Variants in COL25A1 observed in about 807,000 individuals in gnomAD.
COL25A1 encodes collagen type XXV alpha 1 chain, also known as collagen alpha-1(XXV) chain.
A neutral mutation model predicts 128.4 loss-of-function variants in COL25A1; 103 were observed. That is an observed-to-expected ratio of 0.80 (90% confidence interval 0.68 to 0.94). The LOEUF is 0.94. Ranked by LOEUF, COL25A1 falls within the 40% of genes least tolerant of loss-of-function variation. COL25A1 has a pLI of 0.00. For synonymous variants in COL25A1, 279 were observed against 277.2 expected, an observed-to-expected ratio of 1.01 and a Z score of -0.06; for missense variants, 745 against 840.0, an observed-to-expected ratio of 0.89 and a Z score of 1.40.
At chr4:108,820,285 A>G (rs1560696813) in intron 35 of COL25A1, among the ~76,000 whole-genome samples, 1 of 152,182 alleles carries the variant, frequency 6.6e-6, no homozygotes. Context: ...TACTTCACTC[A>G]ATTTTCAATA....
rs1412051609 is a variant in COL25A1, at chr4:109,105,366, C to T, written c.368-55187G>A. Among the ~76,000 whole-genome samples, 5 of 151,996 alleles carry T rather than the reference C, an allele frequency of 3.3e-5. No individual in the cohort carries two copies. In the South Asian group the frequency reaches 6.2e-4, roughly 19 times the overall value. Reference sequence around the variant, plus strand: ...GTGCACACTTGTAATCCCAGCTACTCAGGAGGCTGAGGCAGGAGAATCACT... The same window carrying T: ...GTGCACACTTGTAATCCCAGCTACTTAGGAGGCTGAGGCAGGAGAATCACT... On this transcript the variant is annotated intron_variant, in intron 3 of 37. Transcript: ENST00000399132.
intron 8 of COL25A1, among the ~76,000 whole-genome samples, chr4:108,966,355 C>G (rs1751294686): frequency 1.3e-5 from 2 of 152,072 alleles, no homozygotes; most frequent in Admixed American, 1.3e-4. Flanking sequence ...CTTGTGTTCC[C>G]CAGCTTTTTC....
In COL25A1 at chr4:109,050,127, A is replaced by T. The variant is rs755819458; in HGVS notation, c.412+8T>A. 1 of 1,608,138 alleles carries T rather than the reference A, an allele frequency of 6.2e-7. No individual in the cohort carries two copies. The highest frequency in any genetic ancestry group is 8.5e-7 in the Non-Finnish European group (1 of 1,176,028). ...GAGTGACACAGAGCAGCTGAAAGAG[A>T]GACTTACCAGATTCTCCTCTTCGGC... is the stretch of plus-strand genomic sequence containing the variant. On this transcript the variant is annotated splice_region_variant and intron_variant, in intron 4 of 37. Transcript: ENST00000399132.
chr4:109,144,286 A>G (rs79362739), intron 3 of COL25A1, among the ~76,000 whole-genome samples: 12,740 of 152,208 alleles, frequency 0.084, 907 homozygotes, highest in East Asian at 0.24. Flanking sequence ...CCAGAGGGGC[A>G]CCTGCTAGAT....
intron 3 of COL25A1, among the ~76,000 whole-genome samples, chr4:109,111,406 T>C (rs1767005011): frequency 6.6e-6 from 1 of 152,234 alleles, no homozygotes; most frequent in Non-Finnish European, 1.5e-5. Flanking sequence ...GGTGGATTCT[T>C]TGCTTTACAA....
chr4:109,126,552 T>C (rs939255202), intron 3 of COL25A1, among the ~76,000 whole-genome samples: 2 of 152,220 alleles, frequency 1.3e-5, no homozygotes, highest in Non-Finnish European at 2.9e-5. Flanking sequence ...TCTAAAGTTA[T>C]AACAGCTCTT....
intron 3 of COL25A1, among the ~76,000 whole-genome samples, chr4:109,184,297 T>C (rs1039474784): frequency 6.6e-6 from 1 of 152,186 alleles, no homozygotes; most frequent in Non-Finnish European, 1.5e-5. Context: ...TCTAGAGGAT[T>C]CTGCTCTGGG....
intron 3 of COL25A1, among the ~76,000 whole-genome samples, chr4:109,093,472 A>AAAAAAAAACC (rs765991576): frequency 6.9e-6 from 1 of 145,468 alleles, no homozygotes. Context: ...AAAAAAAAAA[A>AAAAAAAAACC]AAAACCTTTT....
chr4:109,202,071 A>G (rs1196264568), intron 3 of COL25A1, among the ~76,000 whole-genome samples: 1 of 152,156 alleles, frequency 6.6e-6, no homozygotes, highest in Non-Finnish European at 1.5e-5. Flanking sequence ...GGTTCAATGC[A>G]ATCCCGATCA....
intron 31 of COL25A1, among the ~76,000 whole-genome samples, chr4:108,836,621 A>T (rs1248394282): frequency 6.6e-5 from 10 of 152,182 alleles, no homozygotes; most frequent in Admixed American, 6.5e-4. Flanking sequence ...AGCCTGGGTG[A>T]CAGAGTGAGA....
chr4:108,933,010 G>A (rs965868937), intron 11 of COL25A1, among the ~76,000 whole-genome samples: 1 of 151,324 alleles, frequency 6.6e-6, no homozygotes, highest in South Asian at 2.1e-4. Flanking sequence ...AAACCCAAAG[G>A]TCATGTTTAC....
In COL25A1 at chr4:108,990,229, AAAAAAAAAAAATATATAT is replaced by A. The variant is rs1390755008; in HGVS notation, c.439-15688_439-15671del. 8.6e-4 allele frequency among the ~76,000 whole-genome samples: 62 copies of A among 72,272 alleles called. No individual in the cohort carries two copies. In the East Asian group the frequency reaches 0.029, roughly 33 times the overall value. The allele number at this position is 72,272 out of a possible 152,430, so 47.4% of individuals were successfully genotyped here. ...CTCCATCTCAAAAAAAAAAAAAAAAAAAAAAAAAAAATATATATATATATATATATATATATATATATA... is the reference window on the plus strand; with the variant it reads ...CTCCATCTCAAAAAAAAAAAAAAAAAATATATATATATATATATATATATA... On this transcript the variant is annotated intron_variant, in intron 6 of 37. Transcript: ENST00000399132.
At chr4:109,013,682 C>A (rs768840278) in intron 5 of COL25A1, among the ~76,000 whole-genome samples, 9 of 151,778 alleles carry the variant, frequency 5.9e-5, no homozygotes, top group African/African-American at 1.7e-4. Flanking sequence ...CCAGACGCGC[C>A]ACCTTAAGAG....
At chr4:109,128,894 A>C (rs1768892484) in intron 3 of COL25A1, among the ~76,000 whole-genome samples, 1 of 152,212 alleles carries the variant, frequency 6.6e-6, no homozygotes, top group Non-Finnish European at 1.5e-5. Flanking sequence ...CTATGGTATG[A>C]AGCACGTTGT....
chr4:109,209,339 A>T (rs1203223274), intron 3 of COL25A1, among the ~76,000 whole-genome samples: 3 of 152,190 alleles, frequency 2.0e-5, no homozygotes, highest in Admixed American at 1.3e-4. Flanking sequence ...TGCCAGAAAA[A>T]AAAAATGAGA....
intron 3 of COL25A1, among the ~76,000 whole-genome samples, chr4:109,295,365 A>T (rs1724875077): frequency 1.3e-5 from 2 of 152,070 alleles, no homozygotes; most frequent in Admixed American, 1.3e-4. Context: ...TTTAACATGG[A>T]TGCTTGAAGG....
intron 13 of COL25A1, among the ~76,000 whole-genome samples, chr4:108,907,774 T>C (rs1347964273): frequency 4.6e-5 from 7 of 151,340 alleles, no homozygotes; most frequent in Non-Finnish European, 1.0e-4. Flanking sequence ...TTCTTTTCTG[T>C]TTAATTTTCA....
intron 3 of COL25A1, among the ~76,000 whole-genome samples, chr4:109,068,202 T>C (rs1579263238): frequency 6.6e-6 from 1 of 152,200 alleles, no homozygotes. Context: ...CCTTTTCTTT[T>C]ATCAAAGTCT....
chr4:109,193,879 C>G (rs1169679255), intron 3 of COL25A1, among the ~76,000 whole-genome samples: 1 of 152,162 alleles, frequency 6.6e-6, no homozygotes, highest in African/African-American at 2.4e-5. Flanking sequence ...AGGCCAAAAC[C>G]TTAGGATACT....
Sources: gnomAD v4.1 joint callset for allele counts (sites outside exome capture counted in the v4.1 genomes callset) on GRCh38, gnomAD v4.1.1 for gene constraint, MANE v1.5 for transcripts, NCBI Gene and HGNC (gene_info 2026-07-23, HGNC 2026-07-21) for gene names.